The following POLA1 variants were observed in gnomAD, a reference collection of about 807,000 sequenced individuals.
POLA1 encodes DNA polymerase alpha 1, catalytic subunit, also known as DNA polymerase alpha catalytic subunit.
A neutral mutation model predicts 124.0 loss-of-function variants in POLA1; 15 were observed. The observed-to-expected ratio is 0.12, with a 90% CI of 0.08 to 0.19. The LOEUF (loss-of-function observed/expected upper bound fraction) is 0.19. Ranked by LOEUF, POLA1 falls within the 10% of genes least tolerant of loss-of-function variation. POLA1 has a pLI of 1.00. For missense variants in POLA1, 886 were observed against 1,103.4 expected (o/e 0.80, Z 2.79); for synonymous variants, 408 against 389.4 (o/e 1.05, Z -0.56).
Position 24,741,394 on chromosome X carries a change from T to C in POLA1, c.2236T>C (p.Tyr746His), listed in dbSNP as rs2230927. Residue 746 changes from tyrosine (Y) to histidine (H), a missense_variant, in exon 21 of 37, where the codon TAC becomes CAC. Coordinates refer to ENST00000379068, the MANE Select transcript of POLA1 (RefSeq NM_001330360.2). ...GTACAGTGAATCTTCTCAACTGTTA[T>C]ACCTGTTGGAACACACCTGGAAAGA... is the stretch of plus-strand genomic sequence containing the variant. ...NMYSESSQLL[Y>H]LLEHTWKDAK... is the part of the protein sequence containing the mutation. 1.3e-3 allele frequency: 1,522 copies of C among 1,193,315 alleles called. 2 individuals carry two copies. The highest frequency in any genetic ancestry group is 1.5e-3 in the Non-Finnish European group (1,285 of 880,798).
At chrX:24,981,450 C>G (rs914234743) in intron 36 of POLA1, among the ~76,000 whole-genome samples, 1 of 112,510 alleles carries the variant, frequency 8.9e-6, no homozygotes, top group South Asian at 3.7e-4. Context: ...GCTCCCAATG[C>G]CGTCATCTGG....
intron 26 of POLA1, among the ~76,000 whole-genome samples, chrX:24,758,669 T>C (rs1039697103): frequency 9.0e-6 from 1 of 111,521 alleles, no homozygotes; most frequent in African/African-American, 3.3e-5. Flanking sequence ...TGCTGAAGTT[T>C]TTTGTTTTTT....
At chrX:24,748,829 G>A (rs1932165017) in intron 25 of POLA1, 41 bp from the exon 26 acceptor site, 2 of 1,193,470 alleles carry the variant, frequency 1.7e-6, no homozygotes, top group Middle Eastern at 2.3e-4. Context: ...TTAACCATCT[G>A]TAAATGTTGT....
At chrX:24,700,163 C>T (rs1452312969) in intron 2 of POLA1, among the ~76,000 whole-genome samples, 3 of 108,191 alleles carry the variant, frequency 2.8e-5, no homozygotes, top group African/African-American at 1.0e-4. Flanking sequence ...AAGTGATTAA[C>T]CAATACTAGA....
chrX:24,898,274 C>T (rs760660485), intron 35 of POLA1, among the ~76,000 whole-genome samples: 5 of 111,809 alleles, frequency 4.5e-5, no homozygotes, highest in Admixed American at 3.8e-4. Flanking sequence ...CAGATGGAAA[C>T]GGGTGCATTC....
intron 34 of POLA1, among the ~76,000 whole-genome samples, chrX:24,864,283 G>A (rs917248210): frequency 1.7e-4 from 19 of 111,551 alleles, no homozygotes; most frequent in Admixed American, 3.8e-4. Context: ...CACCTGGCTG[G>A]AACTCTTTAT....
At chrX:24,902,299 A>G (rs767714436) in intron 35 of POLA1, among the ~76,000 whole-genome samples, 19 of 112,213 alleles carry the variant, frequency 1.7e-4, no homozygotes, top group Admixed American at 1.9e-4. Context: ...AGGCAGAAAG[A>G]CATTCTTGTC....
Position 24,757,731 on chromosome X carries a change from G to A in POLA1, c.2964+8739G>A, listed in dbSNP as rs186926485. ...TGGGATTACAGGCATGAGCCACCGC[G>A]CCCAGCCCAAACTCTGAAACTTTAA... On this transcript the variant is annotated intron_variant, in intron 26 of 36. Coordinates refer to ENST00000379068, the MANE Select transcript of POLA1 (RefSeq NM_001330360.2). Among the ~76,000 whole-genome samples the A allele has an allele frequency of 2.5e-3, 283 of 110,981 alleles. 1 individual carries two copies. The highest frequency in any genetic ancestry group is 8.8e-3 in the African/African-American group (267 of 30,325).
At chrX:24,695,050 G>A (rs760533865) in intron 1 of POLA1, among the ~76,000 whole-genome samples, 4 of 111,959 alleles carry the variant, frequency 3.6e-5, no homozygotes, top group African/African-American at 1.3e-4. Context: ...TAAAAACTAC[G>A]TCATCTATGA....
rs751996539 is a variant in POLA1 at position 24,741,115 on chromosome X, TTGTG to T, written c.2217-231_2217-228del. The stretch of plus-strand genomic sequence containing the variant: ...TACTTCAGTTTTTCCTTATGGGATT[TTGTG>T]TGTGTGTGTGTGTGTGTGTGTGTGT... On this transcript the variant is annotated intron_variant, in intron 20 of 36. Coordinates refer to ENST00000379068, the MANE Select transcript of POLA1 (RefSeq NM_001330360.2). 3.2e-3 allele frequency among the ~76,000 whole-genome samples: 287 copies of T among 89,494 alleles called. 1 individual carries two copies. Among genetic ancestry groups the T allele is most frequent in the Middle Eastern group, 0.028 (5 of 179 alleles). 77.7% of individuals were successfully genotyped at this position (89,494 alleles called of 115,157 possible). A position where few individuals can be genotyped will look rare whatever the true frequency, so the allele number is the denominator to read the frequency against.
At chrX:24,949,724 T>A (rs1170550996) in intron 36 of POLA1, among the ~76,000 whole-genome samples, 1 of 109,859 alleles carries the variant, frequency 9.1e-6, no homozygotes, top group Non-Finnish European at 1.9e-5. Flanking sequence ...CTTTTTCTTT[T>A]TTTCTCTTTT....
At position 24,870,605 on chromosome X, in the gene POLA1, G is replaced by C. The variant is rs747403639; in HGVS notation, c.4048-17401G>C. On this transcript the variant is annotated intron_variant, in intron 34 of 36. Transcript: ENST00000379068. ...AGGAACACTCAGTGACAGTGCTTAT[G>C]CAGCCATGTCAAATTCTTTAGTTTT... is the stretch of plus-strand genomic sequence containing the variant. Among the ~76,000 whole-genome samples, 33 of 111,738 alleles carry C rather than the reference G, an allele frequency of 3.0e-4. 1 individual carries two copies. The highest frequency in any genetic ancestry group is 1.0e-3 in the African/African-American group (32 of 30,758).
intron 21 of POLA1, 141 bp from the exon 22 acceptor site, chrX:24,741,861 C>CTTT: frequency 2.7e-6 from 1 of 373,945 alleles, no homozygotes; most frequent in Non-Finnish European, 4.4e-6. Flanking sequence ...AATTTAGTAC[C>CTTT]TTTTTTTTTT....
At chrX:24,890,330 C>T (rs1450845950) in intron 35 of POLA1, among the ~76,000 whole-genome samples, 1 of 111,078 alleles carries the variant, frequency 9.0e-6, no homozygotes, top group Admixed American at 9.6e-5. Flanking sequence ...TTGTGATCCA[C>T]CTGTCTCGGC....
chrX:24,800,260 C>CTTATAT (rs947916860), intron 26 of POLA1, among the ~76,000 whole-genome samples: 13 of 111,948 alleles, frequency 1.2e-4, no homozygotes, highest in Non-Finnish European at 5.6e-5. Flanking sequence ...CTCAATGGTA[C>CTTATAT]TTATATTTAA....
At chrX:24,724,300 T>C in intron 11 of POLA1, 35 bp from the exon 12 acceptor site, 1 of 709,571 alleles carries the variant, frequency 1.4e-6, no homozygotes, top group South Asian at 2.4e-5. Context: ...ACAGATACTT[T>C]TTTTTCCCCT....
At chrX:24,994,693 C>T (rs1282769947) in intron 36 of POLA1, among the ~76,000 whole-genome samples, 1 of 106,928 alleles carries the variant, frequency 9.4e-6, no homozygotes, top group Non-Finnish European at 1.9e-5. Flanking sequence ...ACTCTGATTA[C>T]CTGCTGTGTA....
At chrX:24,768,268 T>G (rs777136134) in intron 26 of POLA1, among the ~76,000 whole-genome samples, 2 of 112,656 alleles carry the variant, frequency 1.8e-5, no homozygotes, top group South Asian at 7.3e-4. Flanking sequence ...TAATGGAATT[T>G]GAATGGTCAT....
intron 26 of POLA1, among the ~76,000 whole-genome samples, chrX:24,755,401 C>G (rs1272282950): frequency 1.8e-5 from 2 of 111,955 alleles, no homozygotes; most frequent in Non-Finnish European, 3.8e-5. Context: ...TGGTCAGTCT[C>G]ATGGGTATGA....
Sources: gnomAD v4.1 joint callset for allele counts (sites outside exome capture counted in the v4.1 genomes callset) on GRCh38, gnomAD v4.1.1 for gene constraint, MANE v1.5 for transcripts, NCBI Gene and HGNC (gene_info 2026-07-23, HGNC 2026-07-21) for gene names.